MAP3K2: variants seen among roughly 807,000 people sequenced by gnomAD.
MAP3K2 encodes MAP/ERK kinase kinase 2.
In MAP3K2, 24 loss-of-function variants were observed where a neutral mutation model predicts 80.3. The ratio of observed to expected loss-of-function variants is 0.30; its 90% CI spans 0.22 to 0.42. The LOEUF (loss-of-function observed/expected upper bound fraction) is 0.42, where lower values mean the gene tolerates loss of function less well. MAP3K2 is among the 10% of genes least tolerant of loss of function. The pLI, the probability that MAP3K2 is intolerant of heterozygous loss-of-function variation, is 1.00. For synonymous variants in MAP3K2, 244 were observed against 253.7 expected (o/e 0.96, Z 0.36); for missense variants, 608 against 750.1 (o/e 0.81, Z 2.21).
intron 1 of MAP3K2, among the ~76,000 whole-genome samples, chr2:127,386,554 G>A (rs1452543291): frequency 6.6e-6 from 1 of 152,180 alleles, no homozygotes; most frequent in East Asian, 1.9e-4. Context: ...AAGTAAATTT[G>A]TGACTTTTCA....
At chr2:127,327,049 C>A (rs536593492) in intron 7 of MAP3K2, among the ~76,000 whole-genome samples, 15 of 152,216 alleles carry the variant, frequency 9.9e-5, no homozygotes, top group African/African-American at 3.6e-4. Context: ...TTTATACTCA[C>A]TAGGTAGGAT....
chr2:127,345,164 A>G lies in MAP3K2; in HGVS notation c.-65-1970T>C, dbSNP rs148957111. On this transcript the variant is annotated intron_variant, in intron 1 of 16. Transcript: ENST00000682094. ...CACCTGGTCCACATTTTAAATTCGA[A>G]GACAAAATAGGTTGACAGTAAAAGG... 7.2e-3 allele frequency among the ~76,000 whole-genome samples: 1,099 copies of G among 152,338 alleles called. 11 individuals carry two copies. Among genetic ancestry groups the G allele is most frequent in the Non-Finnish European group, 0.012 (821 of 68,036 alleles).
In MAP3K2 at chr2:127,314,819, G is replaced by C; in HGVS notation, c.1391C>G (p.Thr464Ser). The C allele has an allele frequency of 1.2e-6, 2 of 1,608,264 alleles. No individual in the cohort carries two copies. The highest frequency in any genetic ancestry group is 1.7e-6 in the Non-Finnish European group (2 of 1,174,928). ...ALTENVTRKY[T>S]RQILEGVHYL... ...ATGGACACCCTCCAGAATCTGACGG[G>C]TGTATTTCCTAGTCACATTCTCAGT... The change falls in exon 15 of 17, where the codon ACC becomes AGC. Residue 464 changes from threonine to serine, a missense_variant. Transcript: ENST00000682094.
At chr2:127,369,467 C>CTA (rs1553519166) in intron 1 of MAP3K2, among the ~76,000 whole-genome samples, 1 of 30,754 alleles carries the variant, frequency 3.3e-5, no homozygotes, top group Non-Finnish European at 5.7e-5. Flanking sequence ...CCCGTCTCTA[C>CTA]TAAAAAAAAA....
At chr2:127,329,558 T>C (rs926341713) in intron 7 of MAP3K2, among the ~76,000 whole-genome samples, 2 of 152,186 alleles carry the variant, frequency 1.3e-5, no homozygotes, top group African/African-American at 2.4e-5. Context: ...GGTTTCACCA[T>C]GTTGGCTAGG....
chr2:127,316,005 G>A (rs1685894784), intron 14 of MAP3K2, among the ~76,000 whole-genome samples: 1 of 151,896 alleles, frequency 6.6e-6, no homozygotes, highest in Admixed American at 6.6e-5. Flanking sequence ...AATTCAGGAG[G>A]TGGAAGTTGC....
intron 1 of MAP3K2, among the ~76,000 whole-genome samples, chr2:127,346,984 C>CT (rs1686607409): frequency 6.6e-6 from 1 of 151,974 alleles, no homozygotes. Context: ...GAGCGAGACT[C>CT]TGTCTCAAGG....
chr2:127,306,297 A>G lies in MAP3K2; in HGVS notation c.*1282T>C, dbSNP rs1028180551. 6.6e-6 allele frequency: 1 copy of G among 152,122 alleles called. No individual in the cohort carries two copies. Among genetic ancestry groups the G allele is most frequent in the Non-Finnish European group, 1.5e-5 (1 of 68,014 alleles). The allele number at this position is 152,122 out of a possible 1,614,324, so 9.4% of individuals were successfully genotyped here. On this transcript the variant is annotated 3_prime_UTR_variant, in exon 17 of 17. Transcript: ENST00000682094. This position sits in a 1 kb window ranked among gnomAD's most constrained non-coding sequence, Gnocchi z 4.7. ...GCACTTCTGACATTTTGGGAGGGGT[A>G]ATTCTTTGAGGCTGCTTTCCTTGTG... is the stretch of plus-strand genomic sequence containing the variant.
At position 127,314,821 on chromosome 2, in the gene MAP3K2, G is replaced by A. The variant is rs1218610544; in HGVS notation, c.1389C>T (p.Tyr463=). 1 of 1,605,558 alleles carries A rather than the reference G, an allele frequency of 6.2e-7. No homozygotes were observed. Among genetic ancestry groups the A allele is most frequent in the Non-Finnish European group, 8.5e-7 (1 of 1,173,296 alleles). Residue 463 remains tyrosine (Y), a synonymous_variant, in exon 15 of 17, where the codon TAC becomes TAT. Transcript: ENST00000682094. ...GALTENVTRK[Y]TRQILEGVHY... is the part of the protein sequence containing the mutation. ...GGACACCCTCCAGAATCTGACGGGT[G>A]TATTTCCTAGTCACATTCTCAGTAA...
At chr2:127,309,176 T>C (rs1357952694) in intron 15 of MAP3K2, among the ~76,000 whole-genome samples, 3 of 152,224 alleles carry the variant, frequency 2.0e-5, no homozygotes, top group Non-Finnish European at 2.9e-5. Flanking sequence ...TCTCAGAAAC[T>C]TCCTTAGGGA....
At chr2:127,337,860 G>A in intron 3 of MAP3K2, 82 bp from the exon 4 acceptor site, 2 of 873,754 alleles carry the variant, frequency 2.3e-6, no homozygotes, top group Non-Finnish European at 3.4e-6. Context: ...ATTTCTAAAT[G>A]ATTTTGTTTT....
At chr2:127,343,008 T>C (rs1686527520) in intron 2 of MAP3K2, 118 bp downstream of exon 2, 2 of 695,792 alleles carry the variant, frequency 2.9e-6, no homozygotes, top group Non-Finnish European at 4.8e-6. Flanking sequence ...TTCATAAATC[T>C]GCTATATCAT....
chr2:127,324,358 G>A, intron 9 of MAP3K2, 117 bp from the exon 10 acceptor site: 2 of 564,264 alleles, frequency 3.5e-6, no homozygotes, highest in East Asian at 3.1e-5. Context: ...GTGTAAAGGA[G>A]CTCACTTTGA....
intron 1 of MAP3K2, among the ~76,000 whole-genome samples, chr2:127,345,426 A>G (rs575850022): frequency 6.6e-6 from 1 of 152,378 alleles, no homozygotes; most frequent in Non-Finnish European, 1.5e-5. Flanking sequence ...CAAAAATAAA[A>G]GTTGGAGATT....
At position 127,324,244 on chromosome 2, in the gene MAP3K2, A is replaced by G. The variant is rs377348527; in HGVS notation, c.678-3T>C. 1.1e-3 allele frequency: 1,720 copies of G among 1,524,458 alleles called. 3 individuals are homozygous for G. The highest frequency in any genetic ancestry group is 1.4e-3 in the Non-Finnish European group (1,576 of 1,131,026). 94.4% of individuals were successfully genotyped at this position (1,524,458 alleles called of 1,614,324 possible). A position where few individuals can be genotyped will look rare whatever the true frequency, so the allele number is the denominator to read the frequency against. ...TTCGTGATTTTGGATAGCTCTCTCT[A>G]TAAAGAAAAAACATCACATTAAGTT... On this transcript the variant is annotated splice_polypyrimidine_tract_variant and splice_region_variant and intron_variant, in intron 9 of 16. Coordinates refer to ENST00000682094, the MANE Select transcript of MAP3K2 (RefSeq NM_001371910.2).
intron 12 of MAP3K2, 66 bp from the exon 13 acceptor site, chr2:127,318,383 A>G: frequency 7.9e-7 from 1 of 1,260,770 alleles, no homozygotes; most frequent in African/African-American, 1.5e-5. Context: ...TAATAACTAA[A>G]TGAGCATACT....
chr2:127,313,787 T>C (rs1685851510), intron 15 of MAP3K2, among the ~76,000 whole-genome samples: 1 of 152,158 alleles, frequency 6.6e-6, no homozygotes, highest in Admixed American at 6.5e-5. Flanking sequence ...GTATAGCCAC[T>C]GTTGTAAATG....
At chr2:127,318,137 T>G in intron 13 of MAP3K2, 32 bp downstream of exon 13, 1 of 1,529,004 alleles carries the variant, frequency 6.5e-7, no homozygotes, top group South Asian at 1.3e-5. Flanking sequence ...TTTCTTATAA[T>G]GTGACAAAGT....
intron 1 of MAP3K2, among the ~76,000 whole-genome samples, chr2:127,365,394 T>A (rs1020475857): frequency 6.8e-6 from 1 of 146,214 alleles, no homozygotes; most frequent in African/African-American, 2.4e-5. Flanking sequence ...CCTTAACTGC[T>A]GTGGCAGTTT....
Sources: allele counts gnomAD v4.1 joint callset (sites outside exome capture counted in the v4.1 genomes callset), GRCh38; gene constraint gnomAD v4.1.1; non-coding constraint Gnocchi (gnomAD v3.1); transcripts MANE v1.5; gene names NCBI Gene and HGNC (gene_info 2026-07-23, HGNC 2026-07-21).